Variants in LRRC4C observed in about 807,000 individuals in gnomAD.
LRRC4C encodes the protein leucine-rich repeat-containing protein 4C.
In LRRC4C, 5 loss-of-function variants were observed where a neutral mutation model predicts 33.6. That is an observed-to-expected ratio of 0.15 (90% confidence interval 0.08 to 0.31). The LOEUF (loss-of-function observed/expected upper bound fraction) is 0.31, where lower values mean the gene tolerates loss of function less well. Ranked by LOEUF, LRRC4C falls within the 10% of genes least tolerant of loss-of-function variation. The pLI, the probability that LRRC4C is intolerant of heterozygous loss-of-function variation, is 1.00. For missense variants in LRRC4C, 560 were observed against 796.7 expected (o/e 0.70, Z 3.58); for synonymous variants, 329 against 302.0 (o/e 1.09, Z -0.93).
At chr11:40,875,645 C>T (rs1954847309) in intron 2 of LRRC4C, among the ~76,000 whole-genome samples, 1 of 152,130 alleles carries the variant, frequency 6.6e-6, no homozygotes, top group Non-Finnish European at 1.5e-5. Flanking sequence ...AGATGTTCAA[C>T]CTGTAGCTGT....
At chr11:40,354,465 C>T (rs892216770) in intron 3 of LRRC4C, among the ~76,000 whole-genome samples, 1 of 152,136 alleles carries the variant, frequency 6.6e-6, no homozygotes, top group Non-Finnish European at 1.5e-5. Flanking sequence ...GAAATGTTTT[C>T]TCGGAGCCAG....
intron 3 of LRRC4C, among the ~76,000 whole-genome samples, chr11:40,523,814 T>C (rs567895041): frequency 1.3e-5 from 2 of 152,212 alleles, no homozygotes; most frequent in Admixed American, 1.3e-4. Context: ...ATTACTTGTT[T>C]GGTTGGAATT....
intron 3 of LRRC4C, among the ~76,000 whole-genome samples, chr11:40,624,363 A>T (rs1348228287): frequency 6.6e-6 from 1 of 152,156 alleles, no homozygotes; most frequent in Non-Finnish European, 1.5e-5. Context: ...TGAATTAAAA[A>T]TCAGATGAGG....
chr11:40,702,557 A>T (rs769563637), intron 2 of LRRC4C, among the ~76,000 whole-genome samples: 1 of 152,176 alleles, frequency 6.6e-6, no homozygotes, highest in Non-Finnish European at 1.5e-5. Context: ...CAAGATTATG[A>T]CAACATTGAT....
At chr11:41,226,854 C>T (rs904961703) in intron 1 of LRRC4C, among the ~76,000 whole-genome samples, 1 of 151,974 alleles carries the variant, frequency 6.6e-6, no homozygotes, top group East Asian at 1.9e-4. Context: ...TCTGCAGTCT[C>T]CCATTTTAAA....
At chr11:40,142,733 T>C (rs1290318669) in intron 5 of LRRC4C, among the ~76,000 whole-genome samples, 1 of 151,990 alleles carries the variant, frequency 6.6e-6, no homozygotes, top group African/African-American at 2.4e-5. Context: ...GACCTCTTAT[T>C]TATCTATACT....
At chr11:40,153,563 A>G (rs1858404089) in intron 5 of LRRC4C, among the ~76,000 whole-genome samples, 1 of 144,912 alleles carries the variant, frequency 6.9e-6, no homozygotes, top group Non-Finnish European at 1.5e-5. Flanking sequence ...TGAAGGGAGA[A>G]ATATTCAATG....
At chr11:41,354,011 A>G (rs1378851762) in intron 1 of LRRC4C, among the ~76,000 whole-genome samples, 2 of 152,062 alleles carry the variant, frequency 1.3e-5, no homozygotes, top group African/African-American at 4.8e-5. Flanking sequence ...ACATTTTACT[A>G]GAAGTCCTAG....
At chr11:41,226,797 C>T (rs538391289) in intron 1 of LRRC4C, among the ~76,000 whole-genome samples, 60 of 146,962 alleles carry the variant, frequency 4.1e-4, no homozygotes, top group African/African-American at 1.4e-3. Context: ...TACGTGTAGT[C>T]ACTGACCTAT....
intron 2 of LRRC4C, among the ~76,000 whole-genome samples, chr11:40,756,276 T>A (rs186131868): frequency 3.9e-5 from 6 of 152,094 alleles, no homozygotes; most frequent in South Asian, 2.1e-4. Context: ...CCTATCAAAC[T>A]AATACATCAC....
At chr11:40,743,038 C>A (rs552691166) in intron 2 of LRRC4C, among the ~76,000 whole-genome samples, 1 of 152,002 alleles carries the variant, frequency 6.6e-6, no homozygotes, top group African/African-American at 2.4e-5. Flanking sequence ...AGGTCAAGAT[C>A]TTTAATGACA....
chr11:40,202,304 G>GT (rs950934978), intron 5 of LRRC4C, among the ~76,000 whole-genome samples: 13 of 140,454 alleles, frequency 9.3e-5, no homozygotes, highest in South Asian at 4.6e-4. Flanking sequence ...TTTTGTTTTT[G>GT]TTTTTTTTTA....
intron 4 of LRRC4C, among the ~76,000 whole-genome samples, chr11:40,260,220 A>C (rs1252074163): frequency 8.1e-6 from 1 of 123,844 alleles, no homozygotes; most frequent in Non-Finnish European, 1.7e-5. Context: ...AATACTATGC[A>C]GCCATAAAAA....
intron 1 of LRRC4C, among the ~76,000 whole-genome samples, chr11:41,401,997 G>A (rs546154979): frequency 6.6e-6 from 1 of 151,952 alleles, no homozygotes; most frequent in Admixed American, 6.6e-5. Flanking sequence ...AGACATTATT[G>A]AACACTTACA....
intron 3 of LRRC4C, among the ~76,000 whole-genome samples, chr11:40,590,811 C>T (rs1959012813): frequency 6.6e-6 from 1 of 152,252 alleles, no homozygotes; most frequent in African/African-American, 2.4e-5. Context: ...GTCAGGGACC[C>T]ACTTGAGGAG....
intron 4 of LRRC4C, among the ~76,000 whole-genome samples, chr11:40,258,591 C>A (rs907144592): frequency 7.9e-5 from 12 of 152,144 alleles, no homozygotes; most frequent in African/African-American, 2.9e-4. Context: ...GACCAGTTAA[C>A]TTGCCGAGCA....
intron 3 of LRRC4C, among the ~76,000 whole-genome samples, chr11:40,618,423 C>T (rs939944379): frequency 1.5e-4 from 23 of 149,610 alleles, no homozygotes; most frequent in African/African-American, 5.6e-4. Context: ...ATGGCACTGA[C>T]ACTATGATTG....
intron 2 of LRRC4C, among the ~76,000 whole-genome samples, chr11:40,701,649 A>T (rs1475704054): frequency 6.7e-6 from 1 of 149,244 alleles, no homozygotes; most frequent in African/African-American, 2.4e-5. Context: ...TATATATATA[A>T]AACATAAAGA....
Position 40,640,539 on chromosome 11 carries a change from A to G in LRRC4C, c.-270+7603T>C, listed in dbSNP as rs1038317395. On this transcript the variant is annotated intron_variant, in intron 3 of 6. Transcript: ENST00000528697. Reference sequence around the variant, plus strand: ...TTTTTTTTTAAAAAGGATGAAACAAACCCCTAATATTTTAAATAGGTTATA... The same window carrying G: ...TTTTTTTTTAAAAAGGATGAAACAAGCCCCTAATATTTTAAATAGGTTATA... Among the ~76,000 whole-genome samples, 29 of 152,092 alleles carry G rather than the reference A, an allele frequency of 1.9e-4. No homozygotes were observed. The East Asian group carries it at 2.7e-3, about 14-fold the overall frequency.
Sources: allele counts gnomAD v4.1 joint callset (sites outside exome capture counted in the v4.1 genomes callset), GRCh38; gene constraint gnomAD v4.1.1; transcripts MANE v1.5; gene names NCBI Gene and HGNC (gene_info 2026-07-23, HGNC 2026-07-21).